The following CPNE8 variants were observed in gnomAD, a reference collection of about 807,000 sequenced individuals.
The protein encoded by CPNE8 is copine 8.
Under a neutral mutation model 81.5 loss-of-function variants are expected in CPNE8, and 45 were observed. The observed-to-expected ratio is 0.55, with a 90% confidence interval of 0.44 to 0.71. The LOEUF is 0.71. Among genes scored for constraint, CPNE8 ranks in the 30% least tolerant of loss-of-function variants. The pLI is 0.00. For synonymous variants in CPNE8, 252 were observed against 226.3 expected (o/e 1.11, Z -1.02); for missense variants, 594 against 672.1 (o/e 0.88, Z 1.28).
intron 15 of CPNE8, among the ~76,000 whole-genome samples, chr12:38,689,222 T>C (rs746211786): frequency 6.6e-6 from 1 of 152,198 alleles, no homozygotes. Flanking sequence ...GTAGAACACA[T>C]AGAAAAGCAT....
intron 1 of CPNE8, among the ~76,000 whole-genome samples, chr12:38,893,923 T>G (rs1356466174): frequency 6.6e-6 from 1 of 152,236 alleles, no homozygotes; most frequent in Non-Finnish European, 1.5e-5. Flanking sequence ...TAGCCTTTTT[T>G]GTTTGTTTTA....
chr12:38,782,289 T>C lies in CPNE8; in HGVS notation c.408-5988A>G, dbSNP rs141718694. On this transcript the variant is annotated intron_variant, in intron 6 of 19. Transcript: ENST00000331366. ...GAAACGATTTCACGTTAAAAGAGACTAGAATTAAAACAACTAATCTCAATT... is the reference window on the plus strand; with the variant it reads ...GAAACGATTTCACGTTAAAAGAGACCAGAATTAAAACAACTAATCTCAATT... 2.7e-3 allele frequency among the ~76,000 whole-genome samples: 411 copies of C among 152,262 alleles called. 2 individuals carry two copies. Among genetic ancestry groups the C allele is most frequent in the Non-Finnish European group, 4.5e-3 (303 of 67,986 alleles).
At chr12:38,884,669 A>G (rs1344518745) in intron 1 of CPNE8, among the ~76,000 whole-genome samples, 2 of 152,086 alleles carry the variant, frequency 1.3e-5, no homozygotes, top group East Asian at 3.9e-4. Context: ...AATTGTTCCA[A>G]TTTCTCCACA....
chr12:38,872,339 T>G (rs1944006071), intron 3 of CPNE8, among the ~76,000 whole-genome samples: 3 of 152,200 alleles, frequency 2.0e-5, no homozygotes, highest in South Asian at 2.1e-4. Context: ...GTGGCACAAA[T>G]AGCACTAACC....
chr12:38,663,189 G>A (rs11169037), intron 19 of CPNE8, among the ~76,000 whole-genome samples: 18,458 of 152,036 alleles, frequency 0.12, 1,380 homozygotes, highest in East Asian at 0.24. Context: ...AATCAAGAGA[G>A]TGAAGAGACA....
intron 15 of CPNE8, among the ~76,000 whole-genome samples, chr12:38,691,841 A>G (rs1939681788): frequency 6.6e-6 from 1 of 152,198 alleles, no homozygotes; most frequent in Admixed American, 6.5e-5. Flanking sequence ...CCTCTTTTAT[A>G]AGGGCCTAAT....
chr12:38,712,653 T>C (rs1940288797), intron 13 of CPNE8, among the ~76,000 whole-genome samples: 1 of 152,214 alleles, frequency 6.6e-6, no homozygotes, highest in Non-Finnish European at 1.5e-5. Flanking sequence ...CCAAAATAAG[T>C]AGTATCAAGA....
At chr12:38,874,215 G>A (rs1944034106) in intron 2 of CPNE8, among the ~76,000 whole-genome samples, 1 of 152,010 alleles carries the variant, frequency 6.6e-6, no homozygotes, top group African/African-American at 2.4e-5. Context: ...CTACCAAATG[G>A]CCATAGTACG....
chr12:38,833,324 C>G (rs900918287), intron 5 of CPNE8, among the ~76,000 whole-genome samples: 3 of 145,162 alleles, frequency 2.1e-5, no homozygotes, highest in Non-Finnish European at 4.5e-5. Context: ...TGTACTCCAG[C>G]CTGGGCGACA....
At chr12:38,803,491 A>T (rs1942737836) in intron 6 of CPNE8, among the ~76,000 whole-genome samples, 1 of 150,318 alleles carries the variant, frequency 6.7e-6, no homozygotes, top group Non-Finnish European at 1.5e-5. Context: ...TAAATTAGGT[A>T]TTGATGGGAC....
At chr12:38,823,219 T>C (rs532417698) in intron 6 of CPNE8, among the ~76,000 whole-genome samples, 1 of 152,312 alleles carries the variant, frequency 6.6e-6, no homozygotes, top group East Asian at 1.9e-4. Flanking sequence ...TCTTCTTCCT[T>C]ATTCTGAAGC....
intron 2 of CPNE8, among the ~76,000 whole-genome samples, 195 bp from the exon 3 acceptor site, chr12:38,873,245 A>C (rs1406803052): frequency 2.0e-5 from 3 of 152,308 alleles, no homozygotes; most frequent in Middle Eastern, 3.4e-3. Flanking sequence ...CAGAAAACAA[A>C]CTGTTATGCC....
At chr12:38,881,221 A>G (rs1358789754) in intron 1 of CPNE8, among the ~76,000 whole-genome samples, 2 of 152,144 alleles carry the variant, frequency 1.3e-5, no homozygotes, top group Non-Finnish European at 2.9e-5. Context: ...AAAAAAAAAA[A>G]AAAAGAAATA....
At chr12:38,884,216 T>C (rs1476804704) in intron 1 of CPNE8, among the ~76,000 whole-genome samples, 6 of 152,142 alleles carry the variant, frequency 3.9e-5, no homozygotes, top group Non-Finnish European at 7.4e-5. Flanking sequence ...CCCGAGCCCC[T>C]GGTAACCACT....
At chr12:38,724,758 T>C (rs1940653244) in intron 12 of CPNE8, 88 bp downstream of exon 12, 2 of 898,816 alleles carry the variant, frequency 2.2e-6, no homozygotes, top group Admixed American at 5.9e-5. Flanking sequence ...GTTTTTTTAA[T>C]TGCTTCCAGT....
chr12:38,812,238 T>C (rs1942950188), intron 6 of CPNE8, among the ~76,000 whole-genome samples: 1 of 152,186 alleles, frequency 6.6e-6, no homozygotes, highest in South Asian at 2.1e-4. Context: ...ATGTGTCCCA[T>C]CCAAACTTAC....
At chr12:38,869,640 CCTTT>C (rs995489296) in intron 3 of CPNE8, among the ~76,000 whole-genome samples, 15 of 152,142 alleles carry the variant, frequency 9.9e-5, no homozygotes, top group African/African-American at 3.6e-4. Context: ...TTTCGCACTT[CCTTT>C]CTATTCTTCC....
chr12:38,905,277 C>T (rs1311697837), intron 1 of CPNE8, among the ~76,000 whole-genome samples, 160 bp downstream of exon 1: 8 of 152,228 alleles, frequency 5.3e-5, no homozygotes, highest in Non-Finnish European at 1.0e-4. Context: ...TCCCCTGTGT[C>T]ACCTGACCCG....
intron 19 of CPNE8, among the ~76,000 whole-genome samples, chr12:38,654,514 CAAAAAA>C (rs71068569): frequency 6.1e-5 from 6 of 97,610 alleles, no homozygotes; most frequent in Non-Finnish European, 1.1e-4. Context: ...GACTCTGTCT[CAAAAAA>C]AAAAAAAAAA....
Sources: gnomAD v4.1 joint callset for allele counts (sites outside exome capture counted in the v4.1 genomes callset) on GRCh38, gnomAD v4.1.1 for gene constraint, MANE v1.5 for transcripts, NCBI Gene and HGNC (gene_info 2026-07-23, HGNC 2026-07-21) for gene names.